Variants in MMP26 observed in about 807,000 individuals in gnomAD.
The protein encoded by MMP26 is matrix metalloproteinase-26.
MMP26 carries 33 observed loss-of-function variants against 31.0 expected under a neutral mutation model. The observed-to-expected ratio is 1.06, with a 90% CI of 0.81 to 1.42. The LOEUF (loss-of-function observed/expected upper bound fraction) is 1.42, where lower values mean the gene tolerates loss of function less well. MMP26 is among the 40% of genes most tolerant of loss of function. The probability of loss-of-function intolerance (pLI) is 0.00; values close to 1 mark genes in which losing one functional copy is unlikely to be tolerated. For synonymous variants in MMP26, 122 were observed against 114.9 expected (o/e 1.06, Z -0.40); for missense variants, 347 against 316.1 (o/e 1.10, Z -0.74).
At chr11:4,884,550 T>C (rs989963996) in intron 2 of MMP26, among the ~76,000 whole-genome samples, 3 of 152,114 alleles carry the variant, frequency 2.0e-5, no homozygotes, top group Non-Finnish European at 4.4e-5. Flanking sequence ...TATCATACTA[T>C]GGCAGAGTCT....
chr11:4,753,200 C>T (rs1473717971), intron 1 of MMP26, among the ~76,000 whole-genome samples: 1 of 152,086 alleles, frequency 6.6e-6, no homozygotes, highest in Non-Finnish European at 1.5e-5. Flanking sequence ...GCCACATCCT[C>T]ATCAGTGTCC....
intron 2 of MMP26, chr11:4,944,399 G>C (rs1346902703): frequency 6.1e-6 from 1 of 163,552 alleles, no homozygotes; most frequent in African/African-American, 2.4e-5. Flanking sequence ...TAAAAAGCTG[G>C]GTCATTGTTG....
intron 2 of MMP26, among the ~76,000 whole-genome samples, chr11:4,835,820 C>A (rs1043404775): frequency 6.6e-6 from 1 of 152,124 alleles, no homozygotes; most frequent in African/African-American, 2.4e-5. Flanking sequence ...GCTCTTTATT[C>A]TGATTAATCA....
chr11:4,978,887 G>A (rs1333046267), intron 2 of MMP26, among the ~76,000 whole-genome samples: 4 of 152,080 alleles, frequency 2.6e-5, no homozygotes, highest in Non-Finnish European at 4.4e-5. Flanking sequence ...TCTGATAAGA[G>A]AAGAAAAGGA....
At chr11:4,724,076 G>A (rs1202085734) in intron 1 of MMP26, 1 of 651,020 alleles carries the variant, frequency 1.5e-6, no homozygotes, top group Non-Finnish European at 2.8e-6. Context: ...AGGAGCTGAT[G>A]CAGGCACCAG....
intron 1 of MMP26, among the ~76,000 whole-genome samples, chr11:4,731,627 C>G (rs1023987557): frequency 2.0e-5 from 3 of 152,134 alleles, no homozygotes; most frequent in Admixed American, 6.5e-5. Context: ...ACGTATATAC[C>G]TCTGGTGTGG....
At chr11:4,747,049 G>A (rs1423452907) in intron 1 of MMP26, among the ~76,000 whole-genome samples, 2 of 152,152 alleles carry the variant, frequency 1.3e-5, no homozygotes, top group Non-Finnish European at 2.9e-5. Context: ...ATTGATCCTG[G>A]CAATAAGCTA....
rs574113164 is a variant in MMP26 at position 4,906,181 on chromosome 11, G to A, written c.-144-81887G>A. Among the ~76,000 whole-genome samples, 15 of 152,272 alleles carry A rather than the reference G, an allele frequency of 9.9e-5. No homozygotes were observed. In the South Asian group the frequency reaches 2.3e-3, roughly 23 times the overall value. The stretch of plus-strand genomic sequence containing the variant: ...CCACATTTAATACATGAATATGTAC[G>A]TGAAGAAATAAGAATACGTAACTCC... On this transcript the variant is annotated intron_variant, in intron 2 of 7. Transcript: ENST00000380390.
chr11:4,924,124 GTC>G (rs765452648), intron 2 of MMP26: 1 of 1,614,020 alleles, frequency 6.2e-7, no homozygotes, highest in East Asian at 2.2e-5. Context: ...AAAGGCCTAA[GTC>G]TGTGACAGCT....
chr11:4,969,619 T>A (rs1846639041), intron 2 of MMP26, among the ~76,000 whole-genome samples: 1 of 152,118 alleles, frequency 6.6e-6, no homozygotes, highest in Non-Finnish European at 1.5e-5. Flanking sequence ...ACTGCTGTGC[T>A]TGACATACAT....
intron 2 of MMP26, 120 bp from the exon 3 acceptor site, chr11:4,987,948 T>A (rs1846930272): frequency 4.0e-6 from 2 of 502,964 alleles, no homozygotes; most frequent in African/African-American, 3.8e-5. Context: ...CTGACCTGTA[T>A]TTCCTTAACC....
At chr11:4,718,365 C>G (rs377452780) in intron 1 of MMP26, among the ~76,000 whole-genome samples, 1 of 152,180 alleles carries the variant, frequency 6.6e-6, no homozygotes, top group East Asian at 1.9e-4. Context: ...GAATGCTGCT[C>G]TCTTTGTTTT....
chr11:4,859,350 T>A (rs117716886), intron 2 of MMP26, among the ~76,000 whole-genome samples: 8,618 of 152,304 alleles, frequency 0.057, 370 homozygotes, highest in Non-Finnish European at 0.083. Flanking sequence ...TTCTCACTGA[T>A]GCTCATCTCC....
intron 1 of MMP26, among the ~76,000 whole-genome samples, chr11:4,719,879 A>C (rs1182569518): frequency 6.6e-6 from 1 of 152,246 alleles, no homozygotes; most frequent in Non-Finnish European, 1.5e-5. Context: ...AAAAATAGAA[A>C]AAGAGAAAGT....
intron 1 of MMP26, among the ~76,000 whole-genome samples, chr11:4,755,308 A>G (rs903439178): frequency 2.3e-4 from 35 of 152,162 alleles, no homozygotes; most frequent in African/African-American, 8.4e-4. Context: ...TTTGGGAATG[A>G]TTAACTTCTC....
intron 2 of MMP26, chr11:4,937,600 G>C (rs1043124146): frequency 8.7e-6 from 1 of 115,278 alleles, no homozygotes; most frequent in South Asian, 3.0e-4. Context: ...CTGCTGTCTG[G>C]GGGTAGCAAT....
intron 1 of MMP26, among the ~76,000 whole-genome samples, chr11:4,756,174 C>A (rs1564902117): frequency 6.6e-6 from 1 of 151,886 alleles, no homozygotes; most frequent in Non-Finnish European, 1.5e-5. Flanking sequence ...TGAACATAAT[C>A]AAAAACAGAG....
rs1289170388 is a variant in MMP26 at position 4,803,548 on chromosome 11, A to G, written c.-145+36207A>G. On this transcript the variant is annotated intron_variant, in intron 2 of 7. Transcript: ENST00000380390. ...TATCAGTAGATAGAGATTAGCAAAC[A>G]GGATGTGTACAACTCGGGGCACATC... 6.2e-7 allele frequency: 1 copy of G among 1,614,126 alleles called. No individual in the cohort carries two copies. The highest frequency in any genetic ancestry group is 8.5e-7 in the Non-Finnish European group (1 of 1,180,012).
intron 2 of MMP26, among the ~76,000 whole-genome samples, chr11:4,966,605 ACT>A (rs1375470408): frequency 6.6e-5 from 10 of 151,962 alleles, no homozygotes; most frequent in Admixed American, 6.6e-5. Flanking sequence ...TCAAGGTGAG[ACT>A]CTCTGTCATC....
Sources: gnomAD v4.1 joint callset for allele counts (sites outside exome capture counted in the v4.1 genomes callset) on GRCh38, gnomAD v4.1.1 for gene constraint, MANE v1.5 for transcripts, NCBI Gene and HGNC (gene_info 2026-07-23, HGNC 2026-07-21) for gene names.